The following ZBTB49 variants were observed in gnomAD, a reference collection of about 807,000 sequenced individuals.
ZBTB49 encodes the protein zinc finger and BTB domain-containing protein 49.
Under a neutral mutation model 57.5 loss-of-function variants are expected in ZBTB49, and 43 were observed. That is an observed-to-expected ratio of 0.75 (90% CI 0.59 to 0.97). The LOEUF (loss-of-function observed/expected upper bound fraction) is 0.97, where lower values mean the gene tolerates loss of function less well. Among genes scored for constraint, ZBTB49 ranks in the 50% least tolerant of loss-of-function variants. The probability of loss-of-function intolerance (pLI) is 0.00; values close to 1 mark genes in which losing one functional copy is unlikely to be tolerated. For synonymous variants in ZBTB49, 369 were observed against 362.1 expected (o/e 1.02, Z -0.22); for missense variants, 938 against 947.7 (o/e 0.99, Z 0.13).
rs376045707 is a variant in ZBTB49 at position 4,321,259 on chromosome 4, G to T, written c.2241G>T (p.Met747Ile). The change falls in exon 8 of 8, where the codon ATG (methionine) becomes ATT (isoleucine). Residue 747 changes from methionine to isoleucine, a missense_variant. Physicochemically the swap from Met to Ile is conservative, Grantham distance 10. Around this residue, in one of 3 missense-constraint regions of ZBTB49, gnomAD observed 835 missense variants for 819.1 expected, o/e 1.02. Coordinates refer to ENST00000337872, the MANE Select transcript of ZBTB49 (RefSeq NM_145291.4). ...RNSEGQFFSS[M>I]TLWGLAMKTL... ...CAGAGGGTCAGTTTTTCTCCAGCAT[G>T]ACTCTCTGGGGGCTAGCGATGAAGA... The T allele has an allele frequency of 1.9e-6, 3 of 1,613,886 alleles. No homozygotes were observed. Among genetic ancestry groups the T allele is most frequent in the South Asian group, 1.1e-5 (1 of 91,078 alleles).
In ZBTB49 at chr4:4,300,060, C is replaced by A. The variant is rs988584765; in HGVS notation, c.115C>A (p.His39Asn). The change falls in exon 2 of 8, where the codon CAT becomes AAT. Residue 39 changes from histidine to asparagine, a missense_variant. Coordinates refer to ENST00000337872, the MANE Select transcript of ZBTB49 (RefSeq NM_145291.4). ...GGTAAAAGGAGTCTGCTTTAAAGCG[C>A]ATAAGAATGTCCTGGCAGCATTCAG... is the stretch of plus-strand genomic sequence containing the variant. ...LVVKGVCFKA[H>N]KNVLAAFSQY... is the part of the protein sequence containing the mutation. The A allele has an allele frequency of 2.5e-6, 4 of 1,614,092 alleles. No individual in the cohort carries two copies. The highest frequency in any genetic ancestry group is 3.4e-6 in the Non-Finnish European group (4 of 1,180,022).
intron 4 of ZBTB49, among the ~76,000 whole-genome samples, chr4:4,312,741 G>T (rs1186203654): frequency 6.6e-6 from 1 of 152,194 alleles, no homozygotes; most frequent in African/African-American, 2.4e-5. Context: ...CACCAAAGCA[G>T]CCTCCACAGG....
chr4:4,301,939 A>G (rs1202282797), intron 2 of ZBTB49, 50 bp from the exon 3 acceptor site: 7 of 1,413,684 alleles, frequency 5.0e-6, no homozygotes, highest in South Asian at 3.9e-5. Flanking sequence ...TATAAGAAAA[A>G]GATGGTGTGA....
intron 3 of ZBTB49, among the ~76,000 whole-genome samples, chr4:4,303,760 C>CTCTCTCTCTCTCTCTGTGTGTG (rs1223289249): frequency 4.0e-4 from 49 of 121,414 alleles, no homozygotes; most frequent in African/African-American, 9.3e-4. Flanking sequence ...CTCTCTCTCT[C>CTCTCTCTCTCTCTCTGTGTGTG]TGTGTGTGTG....
At chr4:4,308,955 T>A (rs1202699516) in intron 4 of ZBTB49, among the ~76,000 whole-genome samples, 8 of 152,210 alleles carry the variant, frequency 5.3e-5, no homozygotes, top group Admixed American at 4.6e-4. Context: ...CTGGCATCCC[T>A]GGCATGCTGG....
chr4:4,293,428 G>A (rs999715818), intron 1 of ZBTB49, among the ~76,000 whole-genome samples: 2 of 152,204 alleles, frequency 1.3e-5, no homozygotes, highest in African/African-American at 4.8e-5. Flanking sequence ...CCGATCAAAG[G>A]AAACAGTGGT....
intron 4 of ZBTB49, among the ~76,000 whole-genome samples, chr4:4,307,386 G>A (rs1309739466): frequency 6.6e-6 from 1 of 152,172 alleles, no homozygotes; most frequent in Non-Finnish European, 1.5e-5. Context: ...TGGCCTCTGG[G>A]GCTGGACAGT....
intron 1 of ZBTB49, among the ~76,000 whole-genome samples, chr4:4,296,332 A>G (rs1269028196): frequency 6.6e-6 from 1 of 152,196 alleles, no homozygotes; most frequent in Non-Finnish European, 1.5e-5. Context: ...CCCAAATCTC[A>G]TTTTGAATTG....
At chr4:4,320,509 A>T (rs1222047166) in intron 7 of ZBTB49, 131 bp from the exon 8 acceptor site, 1 of 1,068,234 alleles carries the variant, frequency 9.4e-7, no homozygotes, top group Non-Finnish European at 1.4e-6. Flanking sequence ...GCGTGGTGTC[A>T]TGCGCCTGTC....
At chr4:4,294,134 A>G (rs1036020325) in intron 1 of ZBTB49, among the ~76,000 whole-genome samples, 1 of 152,206 alleles carries the variant, frequency 6.6e-6, no homozygotes, top group African/African-American at 2.4e-5. Context: ...TGTCATAATC[A>G]TTACTATTAT....
chr4:4,308,433 C>T (rs1307509075), intron 4 of ZBTB49, among the ~76,000 whole-genome samples: 1 of 152,160 alleles, frequency 6.6e-6, no homozygotes, highest in Non-Finnish European at 1.5e-5. Flanking sequence ...GGTTGAGAAC[C>T]ACCACTATAG....
intron 7 of ZBTB49, 124 bp from the exon 8 acceptor site, chr4:4,320,516 T>C (rs953975066): frequency 3.3e-5 from 40 of 1,209,298 alleles, no homozygotes; most frequent in Non-Finnish European, 4.6e-5. Flanking sequence ...GTCATGCGCC[T>C]GTCGTCCCAG....
chr4:4,321,039 C>T lies in ZBTB49; in HGVS notation c.2021C>T (p.Pro674Leu). 6.2e-7 allele frequency: 1 copy of T among 1,614,204 alleles called. No individual in the cohort carries two copies. The highest frequency in any genetic ancestry group is 2.2e-5 in the East Asian group (1 of 44,884). Residue 674 changes from proline to leucine, a missense_variant, in exon 8 of 8, where the codon CCT (proline) becomes CTT (leucine). Pro to Leu is a moderately conservative substitution (Grantham distance 98). Transcript: ENST00000337872. Reference sequence around the variant, plus strand: ...GACCAGGAGAAGCTGAGTTTGGATCCTGGTAAACTTGCCAAGCCCCAGATG... The same window carrying T: ...GACCAGGAGAAGCTGAGTTTGGATCTTGGTAAACTTGCCAAGCCCCAGATG... ...VSDQEKLSLD[P>L]GKLAKPQMQQ...
intron 3 of ZBTB49, among the ~76,000 whole-genome samples, chr4:4,303,436 G>A (rs1377301768): frequency 6.6e-6 from 1 of 152,094 alleles, no homozygotes; most frequent in African/African-American, 2.4e-5. Flanking sequence ...GCTATATTTA[G>A]TTGTCTTTTT....
intron 4 of ZBTB49, among the ~76,000 whole-genome samples, chr4:4,307,761 T>A (rs1720802413): frequency 2.0e-5 from 3 of 152,188 alleles, no homozygotes; most frequent in Non-Finnish European, 2.9e-5. Context: ...CATGAATAAT[T>A]AGCAATTGCG....
In ZBTB49 at chr4:4,311,070, T is replaced by C. The variant is rs143457373; in HGVS notation, c.1303-1971T>C. On this transcript the variant is annotated intron_variant, in intron 4 of 7. Transcript: ENST00000337872. ...GCTTTTATATTATTTATCAGAAATA[T>C]GCATTCCTGTATCAGGGAGAAAGAT... is the stretch of plus-strand genomic sequence containing the variant. 7.4e-3 allele frequency among the ~76,000 whole-genome samples: 1,124 copies of C among 152,326 alleles called. 9 individuals are homozygous for C. Among genetic ancestry groups the C allele is most frequent in the African/African-American group, 0.026 (1,068 of 41,572 alleles).
chr4:4,291,154 T>G (rs1292078354), intron 1 of ZBTB49, among the ~76,000 whole-genome samples: 2 of 152,226 alleles, frequency 1.3e-5, no homozygotes, highest in Non-Finnish European at 2.9e-5. Flanking sequence ...TGTATTAGTT[T>G]GCTAGGACTG....
intron 1 of ZBTB49, among the ~76,000 whole-genome samples, chr4:4,290,652 C>G (rs1400967701): frequency 1.3e-5 from 2 of 152,370 alleles, no homozygotes; most frequent in South Asian, 4.1e-4. Context: ...CCACCCGCGC[C>G]CTCTCATCTC....
intron 1 of ZBTB49, among the ~76,000 whole-genome samples, chr4:4,297,333 A>G (rs1245455597): frequency 6.6e-6 from 1 of 152,096 alleles, no homozygotes; most frequent in Non-Finnish European, 1.5e-5. Flanking sequence ...GCCTCCTAAA[A>G]TGCTGGGATT....
Sources: gnomAD v4.1 joint callset for allele counts (sites outside exome capture counted in the v4.1 genomes callset) on GRCh38, gnomAD v4.1.1 for gene constraint, gnomAD v4.1.1 regional missense constraint, MANE v1.5 for transcripts, NCBI Gene and HGNC (gene_info 2026-07-23, HGNC 2026-07-21) for gene names.